MORC1: variants seen among roughly 807,000 people sequenced by gnomAD.
MORC1 encodes MORC family CW-type zinc finger protein 1.
In MORC1, 59 loss-of-function variants were observed where a neutral mutation model predicts 134.9. The ratio of observed to expected loss-of-function variants is 0.44; its 90% CI spans 0.35 to 0.54. The LOEUF (loss-of-function observed/expected upper bound fraction) is 0.54. Ranked by LOEUF, MORC1 falls within the 20% of genes least tolerant of loss-of-function variation. MORC1 has a pLI of 0.00. For synonymous variants in MORC1, 395 were observed against 391.7 expected, an observed-to-expected ratio of 1.01 and a Z score of -0.10; for missense variants, 947 against 1,134.5, an observed-to-expected ratio of 0.83 and a Z score of 2.37.
At chr3:109,026,135 G>A (rs1020869580) in intron 17 of MORC1, among the ~76,000 whole-genome samples, 1 of 152,118 alleles carries the variant, frequency 6.6e-6, no homozygotes, top group African/African-American at 2.4e-5. Context: ...CAAAAGCAGG[G>A]TCAGTTACAA....
At chr3:109,022,507 T>C (rs961380957) in intron 17 of MORC1, among the ~76,000 whole-genome samples, 1 of 152,224 alleles carries the variant, frequency 6.6e-6, no homozygotes, top group African/African-American at 2.4e-5. Flanking sequence ...CAGAATTCTA[T>C]TGCTGGAGTT....
At chr3:109,106,953 C>T (rs566520474) in intron 3 of MORC1, among the ~76,000 whole-genome samples, 1 of 152,246 alleles carries the variant, frequency 6.6e-6, no homozygotes, top group East Asian at 1.9e-4. Flanking sequence ...CCTCCATGAC[C>T]GGGCCATCTG....
chr3:109,047,549 GT>G (rs146104773), intron 14 of MORC1, among the ~76,000 whole-genome samples: 2,529 of 149,208 alleles, frequency 0.017, 81 homozygotes, highest in African/African-American at 0.059. Context: ...TAAGAATGTG[GT>G]TTTTTTTTTC....
intron 8 of MORC1, among the ~76,000 whole-genome samples, chr3:109,090,401 T>C (rs1045324930): frequency 6.6e-6 from 1 of 151,990 alleles, no homozygotes; most frequent in Non-Finnish European, 1.5e-5. Flanking sequence ...GTGGATCACC[T>C]GAGGTTAGGA....
intron 8 of MORC1, among the ~76,000 whole-genome samples, chr3:109,073,006 A>G (rs1160648497): frequency 2.6e-5 from 4 of 151,718 alleles, no homozygotes; most frequent in African/African-American, 9.7e-5. Flanking sequence ...AGATGTGGGG[A>G]AAGAGGAGAG....
intron 17 of MORC1, among the ~76,000 whole-genome samples, chr3:109,020,224 A>G (rs1948922685): frequency 6.6e-6 from 1 of 152,218 alleles, no homozygotes; most frequent in Non-Finnish European, 1.5e-5. Flanking sequence ...TTTATTTTCA[A>G]ATGCCAGAAA....
At chr3:109,017,364 TTA>T (rs1206185216) in intron 17 of MORC1, among the ~76,000 whole-genome samples, 13 of 152,224 alleles carry the variant, frequency 8.5e-5, no homozygotes, top group African/African-American at 2.9e-4. Context: ...TACTTTTGGT[TTA>T]TCTTTTGAAG....
At chr3:109,092,093 G>C (rs1950740868) in intron 8 of MORC1, among the ~76,000 whole-genome samples, 1 of 152,168 alleles carries the variant, frequency 6.6e-6, no homozygotes, top group Non-Finnish European at 1.5e-5. Context: ...CTGGCAACTA[G>C]AAGGGCAGAG....
At chr3:109,099,279 G>A (rs1950882109) in intron 6 of MORC1, 79 bp downstream of exon 6, 1 of 982,372 alleles carries the variant, frequency 1.0e-6, no homozygotes, top group Non-Finnish European at 1.5e-6. Flanking sequence ...AAGAACCCAT[G>A]ACAAGACTTC....
intron 14 of MORC1, among the ~76,000 whole-genome samples, chr3:109,037,128 G>A (rs1306144532): frequency 6.6e-6 from 1 of 152,106 alleles, no homozygotes; most frequent in African/African-American, 2.4e-5. Context: ...CTTTCCCTAC[G>A]GTTTTTAAGT....
chr3:108,978,880 T>C (rs1254964799), intron 24 of MORC1, among the ~76,000 whole-genome samples: 1 of 152,210 alleles, frequency 6.6e-6, no homozygotes, highest in Non-Finnish European at 1.5e-5. Context: ...TACATTAATT[T>C]AGTGGTGCTA....
intron 21 of MORC1, among the ~76,000 whole-genome samples, chr3:108,995,682 C>G (rs1414406311): frequency 6.6e-6 from 1 of 152,046 alleles, no homozygotes; most frequent in Non-Finnish European, 1.5e-5. Context: ...AAAGCTGGGT[C>G]TTAGAAGAAA....
chr3:109,026,076 G>C (rs572453650), intron 17 of MORC1, among the ~76,000 whole-genome samples: 1 of 152,244 alleles, frequency 6.6e-6, no homozygotes, highest in African/African-American at 2.4e-5. Context: ...AAATTAACTG[G>C]TTGCCTTTGG....
Position 108,996,280 on chromosome 3 carries a change from G to A in MORC1, c.2187+4277C>T, listed in dbSNP as rs540365816. Among the ~76,000 whole-genome samples, 458 of 50,530 alleles carry A rather than the reference G, an allele frequency of 9.1e-3. 1 individual carries two copies. The highest frequency in any genetic ancestry group is 0.013 in the Middle Eastern group (1 of 78). The allele number at this position is 50,530 out of a possible 152,430, so 33.1% of individuals were successfully genotyped here. A position where few individuals can be genotyped will look rare whatever the true frequency, so the allele number is the denominator to read the frequency against. On this transcript the variant is annotated intron_variant, in intron 21 of 27. Coordinates refer to ENST00000232603, the MANE Select transcript of MORC1 (RefSeq NM_014429.4). ...TGTGCACATGTGCGCGTGCGTGCGC[G>A]CGCGCGCACACACACACACACACAC...
intron 13 of MORC1, 136 bp downstream of exon 13, chr3:109,057,207 A>T (rs1393105137): frequency 1.2e-6 from 1 of 843,318 alleles, no homozygotes; most frequent in Non-Finnish European, 1.7e-6. Flanking sequence ...TAATGCCTGC[A>T]CTTCAACAGG....
chr3:109,046,496 T>C (rs1949699795), intron 14 of MORC1, among the ~76,000 whole-genome samples: 1 of 152,194 alleles, frequency 6.6e-6, no homozygotes, highest in African/African-American at 2.4e-5. Flanking sequence ...GAATTCTGTG[T>C]TATCATGGGC....
chr3:108,977,760 A>G (rs1245435656), intron 24 of MORC1, among the ~76,000 whole-genome samples: 1 of 152,210 alleles, frequency 6.6e-6, no homozygotes, highest in Non-Finnish European at 1.5e-5. Flanking sequence ...TGAGGACCTT[A>G]AATACCACTT....
intron 6 of MORC1, among the ~76,000 whole-genome samples, chr3:109,096,306 T>C (rs906824439): frequency 6.6e-6 from 1 of 152,146 alleles, no homozygotes; most frequent in Non-Finnish European, 1.5e-5. Context: ...ATGTTCATGT[T>C]AGGCATTCTT....
chr3:109,080,468 TC>T (rs1162857588), intron 8 of MORC1, among the ~76,000 whole-genome samples: 1 of 152,094 alleles, frequency 6.6e-6, no homozygotes, highest in Non-Finnish European at 1.5e-5. Flanking sequence ...AGCCAAACTA[TC>T]ACCATAATAA....
Sources: allele counts gnomAD v4.1 joint callset (sites outside exome capture counted in the v4.1 genomes callset), GRCh38; gene constraint gnomAD v4.1.1; transcripts MANE v1.5; gene names NCBI Gene and HGNC (gene_info 2026-07-23, HGNC 2026-07-21).